CDS1: variants seen among roughly 807,000 people sequenced by gnomAD.
The protein encoded by CDS1 is CDP-diacylglycerol synthase 1.
A neutral mutation model predicts 62.1 loss-of-function variants in CDS1; 41 were observed. The observed-to-expected ratio is 0.66, with a 90% CI of 0.51 to 0.86. The LOEUF (loss-of-function observed/expected upper bound fraction) is 0.86, where lower values mean the gene tolerates loss of function less well. CDS1 is among the 40% of genes least tolerant of loss of function. The pLI is 0.00. For synonymous variants in CDS1, 185 were observed against 192.6 expected (o/e 0.96, Z 0.32); for missense variants, 470 against 550.1 (o/e 0.85, Z 1.46).
intron 8 of CDS1, among the ~76,000 whole-genome samples, chr4:84,638,056 A>C (rs1724267967): frequency 6.6e-6 from 1 of 152,140 alleles, no homozygotes; most frequent in Non-Finnish European, 1.5e-5. Context: ...TACTTCAGAG[A>C]CTTTATTCTG....
intron 1 of CDS1, among the ~76,000 whole-genome samples, chr4:84,591,191 T>C (rs1184300013): frequency 2.6e-5 from 4 of 152,212 alleles, no homozygotes; most frequent in Non-Finnish European, 4.4e-5. Flanking sequence ...TGAATTTCAT[T>C]TTTGTAAAAT....
chr4:84,592,154 ATTTTTTTTTTTTTT>A (rs72236126), intron 1 of CDS1, among the ~76,000 whole-genome samples: 1 of 86,044 alleles, frequency 1.2e-5, no homozygotes, highest in Admixed American at 1.6e-4. Context: ...TTAATGACCA[ATTTTTTTTTTTTTT>A]TTTTTTTTTT....
At chr4:84,593,456 A>G (rs1722652137) in intron 1 of CDS1, among the ~76,000 whole-genome samples, 1 of 151,968 alleles carries the variant, frequency 6.6e-6, no homozygotes, top group African/African-American at 2.4e-5. Flanking sequence ...CTTAGATTCA[A>G]GTTGCCCTGA....
intron 7 of CDS1, 125 bp downstream of exon 7, chr4:84,634,064 AC>A (rs1274988870): frequency 2.1e-6 from 1 of 465,540 alleles, no homozygotes; most frequent in Non-Finnish European, 3.7e-6. Context: ...ATTCCATTAA[AC>A]TATCTTACTG....
At position 84,645,181 on chromosome 4, in the gene CDS1, A is replaced by AT. The variant is rs745345663; in HGVS notation, c.1153-35dup. 4 of 1,344,846 alleles carry AT rather than the reference A, an allele frequency of 3.0e-6. No homozygotes were observed. In the South Asian group the frequency reaches 3.5e-5, roughly 12 times the overall value. 83.3% of individuals were successfully genotyped at this position (1,344,846 alleles called of 1,614,324 possible). A position where few individuals can be genotyped will look rare whatever the true frequency, so the allele number is the denominator to read the frequency against. On this transcript the variant is annotated intron_variant, in intron 11 of 12. Transcript: ENST00000295887. ...ACAGATAGGAATTTTATAGCAGGTG[A>AT]TTTTTTGAAAATTTGCTAATATATT...
At chr4:84,637,093 G>A (rs756285933) in intron 8 of CDS1, among the ~76,000 whole-genome samples, 2 of 152,180 alleles carry the variant, frequency 1.3e-5, no homozygotes, top group Non-Finnish European at 2.9e-5. Context: ...CCCTCTTGGG[G>A]AGGAGCTCAC....
At chr4:84,631,968 C>G in intron 6 of CDS1, 91 bp downstream of exon 6, 1 of 803,292 alleles carries the variant, frequency 1.2e-6, no homozygotes, top group East Asian at 2.5e-5. Flanking sequence ...GTCGAATCTG[C>G]TAGCTGTTGT....
intron 1 of CDS1, among the ~76,000 whole-genome samples, chr4:84,602,909 G>C (rs184062606): frequency 2.0e-5 from 3 of 151,836 alleles, no homozygotes; most frequent in African/African-American, 7.2e-5. Flanking sequence ...TGTAATTTAG[G>C]GTACGTTGAC....
Position 84,640,865 on chromosome 4 carries a change from T to C in CDS1, c.907T>C (p.Tyr303His), listed in dbSNP as rs768110240. 6.2e-7 allele frequency: 1 copy of C among 1,603,342 alleles called. No homozygotes were observed. The highest frequency in any genetic ancestry group is 1.7e-5 in the Admixed American group (1 of 57,662). ...IAAYVLSKYQ[Y>H]FVCPVEYRSD... is the part of the protein sequence containing the mutation. The stretch of plus-strand genomic sequence containing the variant: ...TGCCTATGTGTTATCCAAATACCAG[T>C]ACTTTGTCTGCCCAGTGGAATACCG... The change falls in exon 10 of 13, where the codon TAC (tyrosine) becomes CAC (histidine). Residue 303 changes from tyrosine to histidine, a missense_variant. This residue lies in a region of CDS1 where 214 missense variants were observed against 242.4 expected (regional missense o/e 0.88). Transcript: ENST00000295887.
At chr4:84,638,868 TA>T in intron 8 of CDS1, 55 bp from the exon 9 acceptor site, 1 of 502,188 alleles carries the variant, frequency 2.0e-6, no homozygotes, top group Non-Finnish European at 3.5e-6. Flanking sequence ...TATATATATA[TA>T]TTGTGAGTTT....
intron 8 of CDS1, among the ~76,000 whole-genome samples, chr4:84,635,873 C>T (rs924496465): frequency 1.3e-5 from 2 of 151,636 alleles, no homozygotes; most frequent in Admixed American, 1.3e-4. Flanking sequence ...CTTCCCACCT[C>T]AGCCTCCCGA....
intron 5 of CDS1, among the ~76,000 whole-genome samples, chr4:84,627,229 T>C (rs1336408192): frequency 1.3e-5 from 2 of 152,174 alleles, no homozygotes; most frequent in Non-Finnish European, 2.9e-5. Flanking sequence ...AAATAAAATG[T>C]AGGTATCTCC....
At chr4:84,585,981 G>A (rs1406515213) in intron 1 of CDS1, among the ~76,000 whole-genome samples, 4 of 152,160 alleles carry the variant, frequency 2.6e-5, no homozygotes, top group Admixed American at 2.0e-4. Context: ...CAGTGGATGA[G>A]GATTGAGCTG....
intron 3 of CDS1, among the ~76,000 whole-genome samples, chr4:84,616,166 C>T (rs1415275433): frequency 6.6e-6 from 1 of 152,144 alleles, no homozygotes. Context: ...TAAACATTGT[C>T]TCCGTTCTGT....
rs148440388 is a variant in CDS1 at position 84,628,279 on chromosome 4, G to T, written c.581-3540G>T. On this transcript the variant is annotated intron_variant, in intron 5 of 12. Coordinates refer to ENST00000295887, the MANE Select transcript of CDS1 (RefSeq NM_001263.4). ...ACTAAATTTTGACTAATCATCAATG[G>T]TAAATTTTAAAAACAACTTTATTTT... is the stretch of plus-strand genomic sequence containing the variant. Among the ~76,000 whole-genome samples, 204 of 152,248 alleles carry T rather than the reference G, an allele frequency of 1.3e-3. 1 individual carries two copies. The highest frequency in any genetic ancestry group is 4.4e-3 in the African/African-American group (181 of 41,550).
intron 3 of CDS1, among the ~76,000 whole-genome samples, chr4:84,612,315 A>G (rs1004388036): frequency 1.3e-5 from 2 of 152,048 alleles, no homozygotes; most frequent in Non-Finnish European, 2.9e-5. Flanking sequence ...AGAAGAATTT[A>G]TTTGGGAAAG....
rs865903559 is a variant in CDS1, at chr4:84,625,219, T to C, written c.580+5686T>C. 2.6e-5 allele frequency among the ~76,000 whole-genome samples: 4 copies of C among 152,172 alleles called. No homozygotes were observed. The South Asian group carries it at 6.2e-4, about 24-fold the overall frequency. ...TTTCTGCCATAGACATGTTTTACCA[T>C]TTCTTATTTTACACTCTTAGAATCA... On this transcript the variant is annotated intron_variant, in intron 5 of 12. Coordinates refer to ENST00000295887, the MANE Select transcript of CDS1 (RefSeq NM_001263.4).
chr4:84,608,584 T>TA, intron 2 of CDS1, among the ~76,000 whole-genome samples: 1 of 152,348 alleles, frequency 6.6e-6, no homozygotes, highest in Middle Eastern at 3.4e-3. Flanking sequence ...GCTGACCTCT[T>TA]AGGTAACTGG....
chr4:84,593,791 A>G (rs747240757), intron 1 of CDS1, among the ~76,000 whole-genome samples: 11 of 152,210 alleles, frequency 7.2e-5, no homozygotes, highest in Non-Finnish European at 1.5e-4. Context: ...GGCATGAGCC[A>G]CCGTGCTGGC....
Sources: gnomAD v4.1 joint callset for allele counts (sites outside exome capture counted in the v4.1 genomes callset) on GRCh38, gnomAD v4.1.1 for gene constraint, gnomAD v4.1.1 regional missense constraint, MANE v1.5 for transcripts, NCBI Gene and HGNC (gene_info 2026-07-23, HGNC 2026-07-21) for gene names.